Variants in NSD1 observed in about 807,000 individuals in gnomAD.
NSD1 encodes histone-lysine N-methyltransferase, H3 lysine-36 specific.
In NSD1, 26 loss-of-function variants were observed where a neutral mutation model predicts 242.7. The ratio of observed to expected loss-of-function variants is 0.11; its 90% CI spans 0.08 to 0.15. NSD1 has a LOEUF of 0.15. Ranked by LOEUF, NSD1 falls within the 10% of genes least tolerant of loss-of-function variation. The pLI, the probability that NSD1 is intolerant of heterozygous loss-of-function variation, is 1.00. For missense variants in NSD1, 2,495 were observed against 3,272.8 expected (o/e 0.76, Z 5.80); for synonymous variants, 1,106 against 1,178.1 (o/e 0.94, Z 1.25).
chr5:177,259,768 C>T (rs1347905184), intron 13 of NSD1, among the ~76,000 whole-genome samples: 2 of 152,182 alleles, frequency 1.3e-5, no homozygotes, highest in East Asian at 3.8e-4. Context: ...GAAGCAGGCT[C>T]ACTGACAGTT....
intron 2 of NSD1, among the ~76,000 whole-genome samples, chr5:177,155,429 A>G (rs1758048098): frequency 6.6e-6 from 1 of 150,486 alleles, no homozygotes; most frequent in Non-Finnish European, 1.5e-5. Context: ...GGTGTGACCT[A>G]ATTTTTGTAT....
At chr5:177,223,803 G>A (rs1383361490) in intron 5 of NSD1, among the ~76,000 whole-genome samples, 2 of 151,784 alleles carry the variant, frequency 1.3e-5, no homozygotes. Context: ...TCCAACATGA[G>A]GGTCAAACCT....
chr5:177,274,370 A>G (rs908942300), intron 17 of NSD1, among the ~76,000 whole-genome samples: 1 of 152,202 alleles, frequency 6.6e-6, no homozygotes, highest in East Asian at 1.9e-4. Context: ...AAAAATAAAG[A>G]GACAGTGGAG....
At chr5:177,147,037 C>T (rs1757308332) in intron 2 of NSD1, among the ~76,000 whole-genome samples, 1 of 150,534 alleles carries the variant, frequency 6.6e-6, no homozygotes, top group African/African-American at 2.4e-5. Flanking sequence ...CTAAACATTT[C>T]TAATACCATA....
intron 20 of NSD1, chr5:177,288,553 C>T (rs988630783): frequency 2.8e-5 from 11 of 393,072 alleles, no homozygotes; most frequent in Non-Finnish European, 4.7e-5. Flanking sequence ...GGTTAATAAA[C>T]AAATGAAAAA....
chr5:177,262,915 C>A (rs566256511), intron 14 of NSD1, among the ~76,000 whole-genome samples: 102 of 152,294 alleles, frequency 6.7e-4, no homozygotes, highest in African/African-American at 2.4e-3. Context: ...CTTCCTCTGC[C>A]CTATTTATGT....
chr5:177,240,797 A>C (rs1231665167), intron 8 of NSD1, among the ~76,000 whole-genome samples: 1 of 152,200 alleles, frequency 6.6e-6, no homozygotes, highest in East Asian at 1.9e-4. Context: ...GCTTAAGCTC[A>C]GGAGCTTGAG....
intron 8 of NSD1, among the ~76,000 whole-genome samples, chr5:177,241,671 A>T (rs1765883495): frequency 6.6e-6 from 1 of 152,082 alleles, no homozygotes; most frequent in African/African-American, 2.4e-5. Context: ...AGCAAGAGAA[A>T]ATCAGAATTA....
chr5:177,279,039 T>C (rs115336609), intron 17 of NSD1, among the ~76,000 whole-genome samples: 115 of 152,352 alleles, frequency 7.5e-4, no homozygotes, highest in African/African-American at 2.6e-3. Flanking sequence ...ATGAGTGACA[T>C]TGCTATAGTC....
intron 5 of NSD1, among the ~76,000 whole-genome samples, chr5:177,226,941 TAC>T (rs1405581072): frequency 6.6e-6 from 1 of 152,200 alleles, no homozygotes; most frequent in Non-Finnish European, 1.5e-5. Context: ...TTTTTTATTT[TAC>T]AGAGTCCTGC....
chr5:177,218,429 T>C (rs1183903119), intron 5 of NSD1, among the ~76,000 whole-genome samples: 1 of 152,198 alleles, frequency 6.6e-6, no homozygotes, highest in Non-Finnish European at 1.5e-5. Flanking sequence ...AGATGTTTTT[T>C]CTACCTCAAG....
chr5:177,232,646 C>T (rs1294905065), intron 5 of NSD1, among the ~76,000 whole-genome samples: 3 of 152,196 alleles, frequency 2.0e-5, no homozygotes, highest in Admixed American at 2.0e-4. Flanking sequence ...CTGGATGCAC[C>T]AACAGAAAGT....
chr5:177,245,922 C>T (rs544921025), intron 9 of NSD1, among the ~76,000 whole-genome samples: 2 of 151,750 alleles, frequency 1.3e-5, no homozygotes, highest in Non-Finnish European at 2.9e-5. Flanking sequence ...CAGGCATGAG[C>T]CACCCTGCCC....
Position 177,210,342 on chromosome 5 carries a change from A to G in NSD1, c.1943A>G (p.Asp648Gly), listed in dbSNP as rs776980884. ...ICTTSDDGSSDLDPIEHSSES... is the reference protein window; with the variant it reads ...ICTTSDDGSSGLDPIEHSSES... ...ACCACTTCTGATGATGGAAGCAGTG[A>G]CCTGGATCCCATAGAACACAGCTCA... The change falls in exon 5 of 23, where the codon GAC becomes GGC. Residue 648 changes from aspartate (D) to glycine (G), a missense_variant. Physicochemically the swap from Asp to Gly is moderately conservative, Grantham distance 94. Around this residue, in one of 19 missense-constraint regions of NSD1, gnomAD observed 515 missense variants for 467.0 expected, o/e 1.10. Transcript: ENST00000439151. The G allele has an allele frequency of 6.2e-7, 1 of 1,614,100 alleles. No individual in the cohort carries two copies. Among genetic ancestry groups the G allele is most frequent in the South Asian group, 1.1e-5 (1 of 91,076 alleles).
At chr5:177,139,924 A>G (rs1189992526) in intron 2 of NSD1, among the ~76,000 whole-genome samples, 1 of 151,060 alleles carries the variant, frequency 6.6e-6, no homozygotes, top group African/African-American at 2.5e-5. Context: ...AGCCTAGGCA[A>G]CAGAGCAAGA....
chr5:177,182,219 A>G (rs956422499), intron 2 of NSD1, among the ~76,000 whole-genome samples: 2 of 152,176 alleles, frequency 1.3e-5, no homozygotes, highest in East Asian at 1.9e-4. Context: ...TGGGAGGCCA[A>G]TGCTAGAGGA....
chr5:177,272,029 G>GTT (rs1757982230), intron 16 of NSD1, among the ~76,000 whole-genome samples: 1 of 152,012 alleles, frequency 6.6e-6, no homozygotes, highest in Admixed American at 6.6e-5. Flanking sequence ...GAGGCTGAGG[G>GTT]AGGAAAATCG....
chr5:177,192,796 A>C (rs1761805902), intron 3 of NSD1, among the ~76,000 whole-genome samples: 1 of 152,142 alleles, frequency 6.6e-6, no homozygotes, highest in Admixed American at 6.6e-5. Flanking sequence ...CTCCCAAAGT[A>C]TGGGGATTAC....
intron 13 of NSD1, among the ~76,000 whole-genome samples, chr5:177,257,491 A>C (rs1167083769): frequency 6.6e-6 from 1 of 152,112 alleles, no homozygotes; most frequent in Non-Finnish European, 1.5e-5. Context: ...TCGGCCTCCC[A>C]AAGTGCTGGG....
Sources: allele counts gnomAD v4.1 joint callset (sites outside exome capture counted in the v4.1 genomes callset), GRCh38; gene constraint gnomAD v4.1.1; regional missense constraint gnomAD v4.1.1; transcripts MANE v1.5; gene names NCBI Gene and HGNC (gene_info 2026-07-23, HGNC 2026-07-21).